Variants in SBF2 observed in about 807,000 individuals in gnomAD.
SBF2 encodes SET binding factor 2.
SBF2 carries 112 observed loss-of-function variants against 225.2 expected under a neutral mutation model. That is an observed-to-expected ratio of 0.50 (90% CI 0.43 to 0.58). The LOEUF (loss-of-function observed/expected upper bound fraction) is 0.58. SBF2 is among the 20% of genes least tolerant of loss of function. The probability of loss-of-function intolerance (pLI) is 0.00; values close to 1 mark genes in which losing one functional copy is unlikely to be tolerated. For missense variants in SBF2, 1,996 were observed against 2,206.2 expected (o/e 0.90, Z 1.91); for synonymous variants, 763 against 773.3 (o/e 0.99, Z 0.22).
chr11:10,054,676 T>C (rs936364185), intron 2 of SBF2, among the ~76,000 whole-genome samples: 10 of 152,288 alleles, frequency 6.6e-5, no homozygotes, highest in African/African-American at 2.4e-4. Flanking sequence ...CAAGGACTAA[T>C]ATCCAAAATC....
chr11:10,206,100 C>T (rs1042954200), intron 1 of SBF2, among the ~76,000 whole-genome samples: 3 of 151,426 alleles, frequency 2.0e-5, no homozygotes, highest in African/African-American at 7.3e-5. Flanking sequence ...TAATGAACAT[C>T]GTGCCACACA....
intron 2 of SBF2, among the ~76,000 whole-genome samples, chr11:10,190,467 A>G (rs1407948303): frequency 6.6e-6 from 1 of 152,190 alleles, no homozygotes; most frequent in Non-Finnish European, 1.5e-5. Flanking sequence ...TATTTTTAAA[A>G]TCCATCCGAA....
At chr11:10,181,279 A>C (rs2135286780) in intron 2 of SBF2, among the ~76,000 whole-genome samples, 2 of 152,256 alleles carry the variant, frequency 1.3e-5, no homozygotes, top group African/African-American at 4.8e-5. Context: ...GCAATTACTA[A>C]GTAGCTACAT....
At chr11:9,925,338 C>T (rs549734227) in intron 16 of SBF2, among the ~76,000 whole-genome samples, 6 of 151,840 alleles carry the variant, frequency 4.0e-5, no homozygotes, top group African/African-American at 1.2e-4. Flanking sequence ...TGCAATGGTG[C>T]GTGATCTTGG....
At chr11:10,078,571 T>G (rs888541430) in intron 2 of SBF2, among the ~76,000 whole-genome samples, 2 of 151,256 alleles carry the variant, frequency 1.3e-5, no homozygotes, top group African/African-American at 4.9e-5. Context: ...TAAGTGGGAG[T>G]TGAACAATGA....
intron 23 of SBF2, among the ~76,000 whole-genome samples, chr11:9,846,230 G>A (rs116165225): frequency 6.6e-6 from 1 of 152,202 alleles, no homozygotes; most frequent in East Asian, 1.9e-4. Context: ...GGTGATGAGA[G>A]AAGGTCTGGA....
chr11:9,851,471 C>T (rs1856948242), intron 21 of SBF2, among the ~76,000 whole-genome samples: 1 of 152,094 alleles, frequency 6.6e-6, no homozygotes, highest in South Asian at 2.1e-4. Context: ...CTAGACCTGT[C>T]CTTGGCCACG....
At chr11:9,884,098 T>G (rs1217713189) in intron 17 of SBF2, among the ~76,000 whole-genome samples, 1 of 152,146 alleles carries the variant, frequency 6.6e-6, no homozygotes, top group Non-Finnish European at 1.5e-5. Context: ...TGATGGAGGC[T>G]TTGCATCTGT....
chr11:9,994,090 A>G, intron 9 of SBF2, 92 bp from the exon 10 acceptor site: 3 of 941,866 alleles, frequency 3.2e-6, no homozygotes, highest in Non-Finnish European at 5.0e-6. Context: ...CATATGAATT[A>G]TAATATATTC....
intron 13 of SBF2, among the ~76,000 whole-genome samples, chr11:9,969,212 C>A (rs1273925257): frequency 1.3e-5 from 2 of 152,192 alleles, no homozygotes; most frequent in Admixed American, 1.3e-4. Context: ...CTCTGCAGAT[C>A]TTGTGGACTT....
intron 17 of SBF2, among the ~76,000 whole-genome samples, chr11:9,891,474 G>A (rs1860810314): frequency 6.6e-6 from 1 of 152,114 alleles, no homozygotes; most frequent in African/African-American, 2.4e-5. Flanking sequence ...GGATATGAAA[G>A]GCCATTAGTA....
At chr11:10,198,594 C>G (rs1038995587) in intron 1 of SBF2, among the ~76,000 whole-genome samples, 1 of 152,194 alleles carries the variant, frequency 6.6e-6, no homozygotes, top group Non-Finnish European at 1.5e-5. Context: ...AGACAGTAAG[C>G]CTGTTCTTTG....
At chr11:9,822,076 A>C in intron 28 of SBF2, among the ~76,000 whole-genome samples, 1 of 152,286 alleles carries the variant, frequency 6.6e-6, no homozygotes, top group South Asian at 2.1e-4. Flanking sequence ...TTAAAATGCT[A>C]CTATGGGCTA....
intron 2 of SBF2, among the ~76,000 whole-genome samples, chr11:10,176,511 C>G (rs1262480018): frequency 6.6e-6 from 1 of 151,644 alleles, no homozygotes; most frequent in Non-Finnish European, 1.5e-5. Context: ...AAGGGGATAT[C>G]ACCACCGATC....
chr11:9,938,485 A>G (rs570795290), intron 16 of SBF2, among the ~76,000 whole-genome samples: 2 of 152,186 alleles, frequency 1.3e-5, no homozygotes, highest in African/African-American at 4.8e-5. Flanking sequence ...AAAAAAATCA[A>G]TGTAGGATAA....
chr11:9,793,589 C>T (rs571570568), intron 33 of SBF2, among the ~76,000 whole-genome samples: 12 of 152,176 alleles, frequency 7.9e-5, no homozygotes, highest in South Asian at 6.2e-4. Flanking sequence ...GGGGTTTCGC[C>T]GTGTTGGCCA....
At chr11:10,279,105 TTA>T (rs1491256634) in intron 1 of SBF2, among the ~76,000 whole-genome samples, 3 of 77,638 alleles carry the variant, frequency 3.9e-5, no homozygotes, top group African/African-American at 9.2e-5. Context: ...CGGTCTTGTA[TTA>T]AAAAAAAAAA....
At chr11:9,960,009 G>C (rs906935444) in intron 16 of SBF2, 1 of 291,240 alleles carries the variant, frequency 3.4e-6, no homozygotes, top group African/African-American at 2.2e-5. Flanking sequence ...TTAAAGAGAT[G>C]GGGTCTTGAT....
intron 16 of SBF2, among the ~76,000 whole-genome samples, chr11:9,908,212 T>C (rs1268909850): frequency 6.6e-6 from 1 of 152,250 alleles, no homozygotes; most frequent in Non-Finnish European, 1.5e-5. Context: ...AGAAAATTTT[T>C]TTCTTATGTG....
Sources: allele counts gnomAD v4.1 joint callset (sites outside exome capture counted in the v4.1 genomes callset), GRCh38; gene constraint gnomAD v4.1.1; transcripts MANE v1.5; gene names NCBI Gene and HGNC (gene_info 2026-07-23, HGNC 2026-07-21).